DNASE1: variants seen among roughly 807,000 people sequenced by gnomAD.
The protein encoded by DNASE1 is deoxyribonuclease-1.
A neutral mutation model predicts 33.9 loss-of-function variants in DNASE1; 40 were observed. The observed-to-expected ratio is 1.18, with a 90% CI of 0.92 to 1.54. DNASE1 has a LOEUF of 1.54. Ranked by LOEUF, DNASE1 falls within the 40% of genes most tolerant of loss-of-function variation. The probability of loss-of-function intolerance (pLI) is 0.00; values close to 1 mark genes in which losing one functional copy is unlikely to be tolerated. For missense variants in DNASE1, 518 were observed against 372.6 expected, an observed-to-expected ratio of 1.39 and a Z score of -3.21; for synonymous variants, 216 against 160.0, an observed-to-expected ratio of 1.35 and a Z score of -2.64.
chr16:3,656,393 G>A lies in DNASE1; in HGVS notation c.320+208G>A, dbSNP rs1391737941. Among the ~76,000 whole-genome samples the A allele has an allele frequency of 8.9e-5, 13 of 145,430 alleles. No individual in the cohort carries two copies. The South Asian group carries it at 1.2e-3, about 13-fold the overall frequency. On this transcript the variant is annotated intron_variant, in intron 4 of 8. Transcript: ENST00000246949. ...CCCGCCCTCCTGTCGCCTGGGTCCC[G>A]GACCAATGGGTTGAGCAGGTGCCTG... is the stretch of plus-strand genomic sequence containing the variant.
upstream of DNASE1, among the ~76,000 whole-genome samples, chr16:3,639,285 T>G (rs901300174): frequency 6.6e-6 from 1 of 152,218 alleles, no homozygotes; most frequent in Non-Finnish European, 1.5e-5. Flanking sequence ...CTTACAGCTG[T>G]CTGTGACATG....
At chr16:3,621,525 A>C (rs900049057) in intron 1 of DNASE1, among the ~76,000 whole-genome samples, 34 of 152,144 alleles carry the variant, frequency 2.2e-4, no homozygotes, top group African/African-American at 8.2e-4. Context: ...TATTCCAGAT[A>C]ATTCTGTGCA....
chr16:3,659,447 A>G (rs957375465), downstream of DNASE1: 2 of 152,210 alleles, frequency 1.3e-5, no homozygotes, highest in African/African-American at 4.8e-5. Flanking sequence ...ATGTTTCATC[A>G]TCTCAGAAGG....
At chr16:3,650,392 G>GA (rs1291904365), upstream of DNASE1, among the ~76,000 whole-genome samples, 1 of 151,828 alleles carries the variant, frequency 6.6e-6, no homozygotes, top group African/African-American at 2.4e-5. Context: ...ATGTTTGAGG[G>GA]AAAAAAAGCT....
chr16:3,645,087 C>G (rs190845551), intron 1 of DNASE1, among the ~76,000 whole-genome samples: 150 of 152,252 alleles, frequency 9.9e-4, no homozygotes, highest in African/African-American at 3.6e-3. Context: ...AAGATTGTGC[C>G]ACTGCACTCC....
intron 1 of DNASE1, among the ~76,000 whole-genome samples, chr16:3,633,157 A>G (rs979202725): frequency 5.9e-5 from 9 of 152,176 alleles, no homozygotes; most frequent in East Asian, 1.9e-4. Context: ...AATATCTGCC[A>G]TATTTATTAC....
intron 1 of DNASE1, among the ~76,000 whole-genome samples, chr16:3,631,610 T>C (rs113634418): frequency 3.0e-4 from 45 of 152,246 alleles, no homozygotes; most frequent in African/African-American, 1.0e-3. Flanking sequence ...CTGCAACCTC[T>C]ACCTCCCAGG....
At chr16:3,622,434 T>C (rs1016820700) in intron 1 of DNASE1, among the ~76,000 whole-genome samples, 5 of 152,198 alleles carry the variant, frequency 3.3e-5, no homozygotes, top group Non-Finnish European at 7.3e-5. Context: ...TGTTTACCTA[T>C]GACCTTATGT....
At chr16:3,632,552 C>G (rs113719645) in intron 1 of DNASE1, among the ~76,000 whole-genome samples, 44 of 151,060 alleles carry the variant, frequency 2.9e-4, no homozygotes, top group African/African-American at 1.0e-3. Flanking sequence ...TTGATTCCTG[C>G]TATGTCTTTT....
At chr16:3,632,953 C>T (rs2041745576) in intron 1 of DNASE1, among the ~76,000 whole-genome samples, 1 of 152,130 alleles carries the variant, frequency 6.6e-6, no homozygotes, top group African/African-American at 2.4e-5. Flanking sequence ...CTTCTTTTAA[C>T]ATTTTTTGCA....
upstream of DNASE1, among the ~76,000 whole-genome samples, chr16:3,639,560 A>C (rs1260131168): frequency 6.6e-6 from 1 of 152,068 alleles, no homozygotes; most frequent in East Asian, 1.9e-4. Flanking sequence ...CCTAGGTCTG[A>C]ATCCTTCCCT....
exon 10 of DNASE1, chr16:3,664,523 C>G (rs2050781634): frequency 7.9e-6 from 12 of 1,519,848 alleles, no homozygotes; most frequent in Non-Finnish European, 1.1e-5. Context: ...GCCCAACTAA[C>G]TGGGCGCAAA....
exon 10 of DNASE1, chr16:3,664,069 AC>A (rs1358101772): frequency 1.8e-6 from 1 of 561,812 alleles, no homozygotes; most frequent in Non-Finnish European, 3.0e-6. Flanking sequence ...TCTCAAAAAA[AC>A]AAAAAACAAA....
In DNASE1 at chr16:3,657,356, G is replaced by C; in HGVS notation, c.704+15G>C. Reference sequence around the variant, plus strand: ...GCCTATGACAGGTGAGCAGGGCCTCGCGCTTAGGGCAGACTGAGGGCACCT... The same window carrying C: ...GCCTATGACAGGTGAGCAGGGCCTCCCGCTTAGGGCAGACTGAGGGCACCT... On this transcript the variant is annotated intron_variant, in intron 7 of 8. Transcript: ENST00000246949. 1 of 1,610,814 alleles carries C rather than the reference G, an allele frequency of 6.2e-7. No individual in the cohort carries two copies.
chr16:3,660,663 G>A (rs1354711310), downstream of DNASE1: 1 of 152,228 alleles, frequency 6.6e-6, no homozygotes, highest in South Asian at 2.1e-4. Flanking sequence ...TTCCCCAGGA[G>A]TGCCATGGCT....
upstream of DNASE1, chr16:3,653,243 T>TC (rs990792329): frequency 6.6e-6 from 1 of 152,006 alleles, no homozygotes; most frequent in African/African-American, 2.4e-5. Context: ...GCAAGGAGCA[T>TC]CCCCCAACCG....
intron 4 of DNASE1, 133 bp downstream of exon 4, chr16:3,656,318 G>A: frequency 1.0e-6 from 1 of 986,106 alleles, no homozygotes. Context: ...AGGGTGGAGT[G>A]AAAACACCCC....
intron 1 of DNASE1, among the ~76,000 whole-genome samples, chr16:3,647,568 G>A (rs1472459333): frequency 4.6e-5 from 7 of 152,062 alleles, no homozygotes; most frequent in African/African-American, 1.2e-4. Context: ...GGCACCACAC[G>A]CAGCCAGAAA....
upstream of DNASE1, chr16:3,654,530 C>G (rs1398282614): frequency 1.8e-5 from 7 of 398,608 alleles, no homozygotes; most frequent in Non-Finnish European, 1.3e-5. Flanking sequence ...AGACAAGAGA[C>G]AGGGAGACTG....
Sources: gnomAD v4.1 joint callset for allele counts (sites outside exome capture counted in the v4.1 genomes callset) on GRCh38, gnomAD v4.1.1 for gene constraint, MANE v1.5 for transcripts, NCBI Gene and HGNC (gene_info 2026-07-23, HGNC 2026-07-21) for gene names.